The following PDE4D variants were observed in gnomAD, a reference collection of about 807,000 sequenced individuals.
PDE4D encodes phosphodiesterase 4D.
Under a neutral mutation model 87.4 loss-of-function variants are expected in PDE4D, and 24 were observed. The observed-to-expected ratio is 0.27, with a 90% CI of 0.20 to 0.39. PDE4D has a LOEUF of 0.39. Ranked by LOEUF, PDE4D falls within the 10% of genes least tolerant of loss-of-function variation. The pLI is 1.00. For missense variants in PDE4D, 714 were observed against 1,041.0 expected (o/e 0.69, Z 4.32); for synonymous variants, 384 against 383.2 (o/e 1.00, Z -0.02).
intron 1 of PDE4D, among the ~76,000 whole-genome samples, chr5:60,440,187 T>C (rs1745090231): frequency 6.6e-6 from 1 of 152,144 alleles, no homozygotes; most frequent in South Asian, 2.1e-4. Flanking sequence ...GTACTAATTC[T>C]ATACTTATGC....
chr5:60,118,713 C>T (rs944537281), intron 2 of PDE4D, among the ~76,000 whole-genome samples: 3 of 152,002 alleles, frequency 2.0e-5, no homozygotes, highest in Admixed American at 6.6e-5. Context: ...TTTTGCCTGA[C>T]ACTTACATCA....
chr5:60,185,725 G>A (rs1784724122), intron 1 of PDE4D: 1 of 598,230 alleles, frequency 1.7e-6, no homozygotes, highest in Non-Finnish European at 3.0e-6. Flanking sequence ...ATCAAGTTAT[G>A]ATTAACACTT....
At chr5:59,235,249 C>T (rs1217340305) in intron 1 of PDE4D, among the ~76,000 whole-genome samples, 3 of 152,142 alleles carry the variant, frequency 2.0e-5, no homozygotes, top group Admixed American at 2.0e-4. Flanking sequence ...AAAAGAGTTC[C>T]ATCTGTGCCC....
chr5:59,639,812 AGTGTGTGTGTGTGTGTGTGTGTGT>A (rs70975323), intron 1 of PDE4D, among the ~76,000 whole-genome samples: 3 of 143,622 alleles, frequency 2.1e-5, no homozygotes, highest in Non-Finnish European at 4.5e-5. Context: ...TAGTGTCTAT[AGTGTGTGTGTGTGTGTGTGTGTGT>A]GTGTGTGTGT....
intron 2 of PDE4D, among the ~76,000 whole-genome samples, chr5:60,163,909 A>T (rs1256859358): frequency 2.6e-5 from 4 of 152,306 alleles, no homozygotes; most frequent in Non-Finnish European, 4.4e-5. Context: ...GGAAATCTGT[A>T]CACACCACAA....
intron 2 of PDE4D, among the ~76,000 whole-genome samples, chr5:59,201,270 G>T (rs1747308013): frequency 6.6e-6 from 1 of 152,010 alleles, no homozygotes; most frequent in African/African-American, 2.4e-5. Context: ...GGGCTGCACA[G>T]GTAATTCATG....
intron 1 of PDE4D, among the ~76,000 whole-genome samples, chr5:59,712,393 CATATATAT>C (rs5868190): frequency 0.28 from 34,719 of 122,486 alleles, 5,526 homozygotes; most frequent in East Asian, 0.49. Context: ...TAATATTATT[CATATATAT>C]ATATATATAT....
At chr5:60,203,989 G>A (rs1056869175) in intron 1 of PDE4D, among the ~76,000 whole-genome samples, 1 of 152,182 alleles carries the variant, frequency 6.6e-6, no homozygotes, top group East Asian at 1.9e-4. Context: ...TGTTCCTGAA[G>A]TGAGCATTAG....
intron 1 of PDE4D, among the ~76,000 whole-genome samples, chr5:59,823,859 C>T (rs562960087): frequency 1.3e-5 from 2 of 148,700 alleles, no homozygotes; most frequent in South Asian, 4.4e-4. Flanking sequence ...GAATGCTGCT[C>T]TTCCCACAGA....
At chr5:60,149,224 A>T (rs1171717781) in intron 2 of PDE4D, among the ~76,000 whole-genome samples, 1 of 152,176 alleles carries the variant, frequency 6.6e-6, no homozygotes, top group Non-Finnish European at 1.5e-5. Flanking sequence ...AAAGAAAAGA[A>T]GTTTATTTAG....
chr5:59,820,807 T>C (rs899837603), intron 1 of PDE4D, among the ~76,000 whole-genome samples: 2 of 152,206 alleles, frequency 1.3e-5, no homozygotes, highest in African/African-American at 2.4e-5. Flanking sequence ...AAAATATTGT[T>C]TGTGTTTAAG....
chr5:60,281,992 G>A (rs1751952813), intron 1 of PDE4D, among the ~76,000 whole-genome samples: 1 of 151,454 alleles, frequency 6.6e-6, no homozygotes, highest in African/African-American at 2.4e-5. Context: ...AGCTGTGATT[G>A]TAGCACTGCA....
At chr5:59,899,047 T>C (rs1751959264) in intron 3 of PDE4D, among the ~76,000 whole-genome samples, 2 of 152,212 alleles carry the variant, frequency 1.3e-5, no homozygotes, top group Non-Finnish European at 2.9e-5. Context: ...TTGATTCAGA[T>C]GGAATTAATT....
At chr5:59,166,749 G>T (rs1367189151) in intron 5 of PDE4D, among the ~76,000 whole-genome samples, 1 of 152,158 alleles carries the variant, frequency 6.6e-6, no homozygotes, top group Non-Finnish European at 1.5e-5. Flanking sequence ...AATAGGGTTG[G>T]TAATCATATT....
intron 3 of PDE4D, among the ~76,000 whole-genome samples, chr5:59,963,372 C>A (rs188892754): frequency 5.9e-4 from 90 of 152,272 alleles, no homozygotes; most frequent in Non-Finnish European, 6.9e-4. Context: ...TTCTCCAGGT[C>A]TGAAAGCATG....
intron 1 of PDE4D, among the ~76,000 whole-genome samples, chr5:59,268,723 C>T (rs1321956769): frequency 6.6e-6 from 1 of 152,030 alleles, no homozygotes; most frequent in Non-Finnish European, 1.5e-5. Flanking sequence ...AGGCCCTATT[C>T]TCTATACCTT....
rs115837116 is a variant in PDE4D at position 59,617,160 on chromosome 5, G to T, written c.455+276008C>A. 6.6e-3 allele frequency among the ~76,000 whole-genome samples: 1,006 copies of T among 151,594 alleles called. 9 individuals carry two copies. Among genetic ancestry groups the T allele is most frequent in the African/African-American group, 0.021 (865 of 41,364 alleles). ...ATAGGTGGATTTCAAACCTTGCTTT[G>T]CTTATGGGTAAATTAGGCAAAGAGA... On this transcript the variant is annotated intron_variant, in intron 1 of 14. Transcript: ENST00000340635.
At chr5:59,859,443 T>C (rs572651746) in intron 1 of PDE4D, among the ~76,000 whole-genome samples, 1 of 152,332 alleles carries the variant, frequency 6.6e-6, no homozygotes, top group East Asian at 1.9e-4. Flanking sequence ...GAAATCCATG[T>C]ATAGAGGGTT....
chr5:59,146,099 C>A (rs1778615761), intron 5 of PDE4D, among the ~76,000 whole-genome samples: 1 of 152,114 alleles, frequency 6.6e-6, no homozygotes, highest in African/African-American at 2.4e-5. Flanking sequence ...TGCACTCCAG[C>A]CTGGGTGACA....
Sources: gnomAD v4.1 joint callset for allele counts (sites outside exome capture counted in the v4.1 genomes callset) on GRCh38, gnomAD v4.1.1 for gene constraint, MANE v1.5 for transcripts, NCBI Gene and HGNC (gene_info 2026-07-23, HGNC 2026-07-21) for gene names.